SLC5A5: variants seen among roughly 807,000 people sequenced by gnomAD.
SLC5A5 encodes solute carrier family 5 member 5.
A neutral mutation model predicts 68.6 loss-of-function variants in SLC5A5; 56 were observed. The ratio of observed to expected loss-of-function variants is 0.82; its 90% CI spans 0.66 to 1.02. SLC5A5 has a LOEUF of 1.02. Ranked by LOEUF, SLC5A5 falls within the 50% of genes least tolerant of loss-of-function variation. The pLI is 0.00. For synonymous variants in SLC5A5, 398 were observed against 373.0 expected, an observed-to-expected ratio of 1.07 and a Z score of -0.77; for missense variants, 807 against 859.8, an observed-to-expected ratio of 0.94 and a Z score of 0.77.
chr19:17,892,065 A>C (rs1243380187), intron 14 of SLC5A5, among the ~76,000 whole-genome samples: 1 of 152,116 alleles, frequency 6.6e-6, no homozygotes, highest in East Asian at 1.9e-4. Context: ...TGGGAGGTTG[A>C]GGTGGATCGC....
chr19:17,893,720 A>T lies in SLC5A5; in HGVS notation c.1775A>T (p.Glu592Val), dbSNP rs2030289667. The part of the protein sequence containing the change: ...ILDDNLVKGP[E>V]ELPTGNKKPP... ...TTTCCCACTTTTCCCCAGGGTCCTG[A>T]AGAACTCCCCACTGGAAACAAGAAG... Residue 592 changes from glutamate to valine, a missense_variant, in exon 15 of 15, where the codon GAA becomes GTA. Glu to Val is a moderately radical substitution (Grantham distance 121). Transcript: ENST00000222248. The T allele has an allele frequency of 6.2e-7, 1 of 1,613,858 alleles. No individual in the cohort carries two copies. Among genetic ancestry groups the T allele is most frequent in the Non-Finnish European group, 8.5e-7 (1 of 1,179,936 alleles).
chr19:17,883,752 G>C lies in SLC5A5; in HGVS notation c.1314G>C (p.Pro438=), dbSNP rs775752734. 2 of 1,612,916 alleles carry C rather than the reference G, an allele frequency of 1.2e-6. No homozygotes were observed. The highest frequency in any genetic ancestry group is 1.1e-5 in the South Asian group (1 of 91,066). The change falls in exon 11 of 15, where the codon CCG becomes CCC. Residue 438 remains proline (P), a synonymous_variant. Coordinates refer to ENST00000222248, the MANE Select transcript of SLC5A5 (RefSeq NM_000453.3). ...CCTTCATCTTGGGAATGTTCCTGCCGGCCTGCAACACACCGGTGAGTGGGG... is the reference window on the plus strand; with the variant it reads ...CCTTCATCTTGGGAATGTTCCTGCCCGCCTGCAACACACCGGTGAGTGGGG... The part of the protein sequence containing the change: ...LGAFILGMFL[P]ACNTPGVLAG...
intron 7 of SLC5A5, among the ~76,000 whole-genome samples, chr19:17,880,348 G>C (rs1458973323): frequency 6.6e-6 from 1 of 151,520 alleles, no homozygotes; most frequent in Admixed American, 6.6e-5. Context: ...CCAAGTAGCT[G>C]GGACTCCAGG....
intron 4 of SLC5A5, among the ~76,000 whole-genome samples, chr19:17,875,587 A>ACCCCCCCCC (rs59128676): frequency 1.4e-5 from 2 of 145,008 alleles, no homozygotes; most frequent in African/African-American, 2.6e-5. Flanking sequence ...ACATAGTGAG[A>ACCCCCCCCC]CCCCCCCCCG....
In SLC5A5 at chr19:17,883,942, G is replaced by A. The variant is rs1340680522; in HGVS notation, c.1422G>A (p.Arg474=). 1 of 1,563,634 alleles carries A rather than the reference G, an allele frequency of 6.4e-7. No homozygotes were observed. Among genetic ancestry groups the A allele is most frequent in the African/African-American group, 1.4e-5 (1 of 73,866 alleles). Residue 474 remains arginine (R), a synonymous_variant, in exon 12 of 15, where the codon AGG becomes AGA. Transcript: ENST00000222248. The stretch of plus-strand genomic sequence containing the variant: ...ACCCACCCAGCGAGCAGACCATGAG[G>A]GTCCTGCCATCGTCGGCTGCCCGCT... The part of the protein sequence containing the change: ...TLYPPSEQTM[R]VLPSSAARCV...
At chr19:17,878,116 G>T (rs1252368093) in intron 7 of SLC5A5, 23 bp downstream of exon 7, 1 of 1,607,938 alleles carries the variant, frequency 6.2e-7, no homozygotes, top group South Asian at 1.1e-5. Flanking sequence ...CAGGCTCCTG[G>T]TTGGCTCTGC....
chr19:17,894,077 G>A lies in SLC5A5; in HGVS notation c.*200G>A, dbSNP rs1340192510. 21 of 602,130 alleles carry A rather than the reference G, an allele frequency of 3.5e-5. No homozygotes were observed. Among genetic ancestry groups the A allele is most frequent in the South Asian group, 5.8e-5 (3 of 51,566 alleles). The allele number at this position is 602,130 out of a possible 1,614,324, so 37.3% of individuals were successfully genotyped here. On this transcript the variant is annotated 3_prime_UTR_variant, in exon 15 of 15. Coordinates refer to ENST00000222248, the MANE Select transcript of SLC5A5 (RefSeq NM_000453.3). ...TTAAATCCAGCCCCTTGCTTCAACC[G>A]TCCCCAGTATTAGACGCTGCAGCCC...
At chr19:17,883,639 G>C (rs747022913) in intron 10 of SLC5A5, 42 bp from the exon 11 acceptor site, 2 of 1,489,286 alleles carry the variant, frequency 1.3e-6, no homozygotes, top group East Asian at 4.5e-5. Flanking sequence ...CAGAGCGGTG[G>C]GAGGGCTCCG....
chr19:17,878,533 G>A (rs1459994117), intron 7 of SLC5A5, among the ~76,000 whole-genome samples: 3 of 150,834 alleles, frequency 2.0e-5, no homozygotes, highest in Admixed American at 2.0e-4. Flanking sequence ...AAAATAAAGA[G>A]TTCAGAGGAG....
chr19:17,874,024 C>A (rs1421363399), intron 1 of SLC5A5, 114 bp from the exon 2 acceptor site: 2 of 748,608 alleles, frequency 2.7e-6, no homozygotes, highest in Admixed American at 2.0e-5. Context: ...AAGAATCTGG[C>A]GGGCGCGGTT....
Position 17,894,051 on chromosome 19 carries a change from T to C in SLC5A5, c.*174T>C, listed in dbSNP as rs1703432531. 3 of 656,876 alleles carry C rather than the reference T, an allele frequency of 4.6e-6. No individual in the cohort carries two copies. Among genetic ancestry groups the C allele is most frequent in the Non-Finnish European group, 7.9e-6 (3 of 378,386 alleles). 40.7% of individuals were successfully genotyped at this position (656,876 alleles called of 1,614,324 possible). On this transcript the variant is annotated 3_prime_UTR_variant, in exon 15 of 15. Coordinates refer to ENST00000222248, the MANE Select transcript of SLC5A5 (RefSeq NM_000453.3). ...AGGCCCTGCCTCCGGGAGGTCATTT[T>C]TTAAATCCAGCCCCTTGCTTCAACC... is the stretch of plus-strand genomic sequence containing the variant.
At position 17,878,003 on chromosome 19, in the gene SLC5A5, G is replaced by A; in HGVS notation, c.879G>A (p.Val293=). The change falls in exon 7 of 15, where the codon GTG becomes GTA. Residue 293 remains valine, a synonymous_variant. Transcript: ENST00000222248. The stretch of plus-strand genomic sequence containing the variant: ...ACCAGGTCGGCCTGTTCCTGATCGT[G>A]TCCAGCGCTGCCTGCTGTGGCATCG... ...LINQVGLFLI[V]SSAACCGIVM... The A allele has an allele frequency of 6.2e-7, 1 of 1,613,438 alleles. No individual in the cohort carries two copies. Among genetic ancestry groups the A allele is most frequent in the Non-Finnish European group, 8.5e-7 (1 of 1,180,034 alleles).
At position 17,872,436 on chromosome 19, in the gene SLC5A5, C is replaced by G. The variant is rs1378436682; in HGVS notation, c.117C>G (p.Gly39=). Residue 39 remains glycine (G), a synonymous_variant, in exon 1 of 15, where the codon GGC becomes GGG. Transcript: ENST00000222248. ...GIGLWVGLAR[G]GQRSAEDFFT... is the part of the protein sequence containing the mutation. ...GGCTGTGGGTCGGGCTGGCTCGGGG[C>G]GGGCAGCGCAGCGCTGAGGACTTCT... 2 of 1,608,530 alleles carry G rather than the reference C, an allele frequency of 1.2e-6. No individual in the cohort carries two copies. Among genetic ancestry groups the G allele is most frequent in the Middle Eastern group, 1.7e-4 (1 of 5,906 alleles).
At chr19:17,878,161 G>C (rs1043226430) in intron 7 of SLC5A5, 68 bp downstream of exon 7, 1 of 1,555,396 alleles carries the variant, frequency 6.4e-7, no homozygotes, top group Non-Finnish European at 8.8e-7. Flanking sequence ...TGAGGTCGAA[G>C]AGCATTCCTA....
rs1356656251 is a variant in SLC5A5 at position 17,893,905 on chromosome 19, C to T, written c.*28C>T. The T allele has an allele frequency of 1.9e-6, 3 of 1,550,884 alleles. No individual in the cohort carries two copies. The highest frequency in any genetic ancestry group is 2.6e-6 in the Non-Finnish European group (3 of 1,145,816). ...ACAGGGCCAGCCGCGGGACTGACAC[C>T]CTGGGATGGAACCTCAGGATGGGCC... On this transcript the variant is annotated 3_prime_UTR_variant, in exon 15 of 15. Coordinates refer to ENST00000222248, the MANE Select transcript of SLC5A5 (RefSeq NM_000453.3).
rs1008345911 is a variant in SLC5A5 at position 17,877,073 on chromosome 19, C to T, written c.699-650C>T. ...GGATGGGGCTGGGCTCCCTTTGTGC[C>T]GTGGGATGGTAGAAATCAGCCAATG... is the stretch of plus-strand genomic sequence containing the variant. On this transcript the variant is annotated intron_variant, in intron 5 of 14. Transcript: ENST00000222248. Among the ~76,000 whole-genome samples, 7 of 151,416 alleles carry T rather than the reference C, an allele frequency of 4.6e-5. No individual in the cohort carries two copies. In the East Asian group the frequency reaches 1.2e-3, roughly 25 times the overall value.
In SLC5A5 at chr19:17,881,928, C is replaced by T. The variant is rs771879801; in HGVS notation, c.1059-32C>T. The stretch of plus-strand genomic sequence containing the variant: ...TGGTGTGGACGGTCTCTCCATATGG[C>T]CTGAGGACCCCCCGCTGCCTTCCTC... On this transcript the variant is annotated intron_variant, in intron 8 of 14. Coordinates refer to ENST00000222248, the MANE Select transcript of SLC5A5 (RefSeq NM_000453.3). 2.2e-4 allele frequency: 341 copies of T among 1,536,192 alleles called. 1 individual carries two copies. Among genetic ancestry groups the T allele is most frequent in the South Asian group, 7.0e-4 (62 of 89,020 alleles).
chr19:17,876,139 A>T (rs765194561), intron 5 of SLC5A5, 33 bp downstream of exon 5: 30 of 1,611,572 alleles, frequency 1.9e-5, no homozygotes, highest in Non-Finnish European at 2.5e-5. Flanking sequence ...CTCCAGCAGG[A>T]TGGGGCTGGG....
Position 17,872,456 on chromosome 19 carries a change from A to T in SLC5A5, c.137A>T (p.Asp46Val), listed in dbSNP as rs777870484. 3 of 1,610,738 alleles carry T rather than the reference A, an allele frequency of 1.9e-6. No homozygotes were observed. The Admixed American group carries it at 5.0e-5, about 27-fold the overall frequency. ...CGGGGCGGGCAGCGCAGCGCTGAGG[A>T]CTTCTTCACCGGGGGCCGGCGCCTG... ...LARGGQRSAE[D>V]FFTGGRRLAA... The change falls in exon 1 of 15, where the codon GAC becomes GTC. Residue 46 changes from aspartate (D) to valine (V), a missense_variant. Physicochemically the swap from Asp to Val is radical, Grantham distance 152. Coordinates refer to ENST00000222248, the MANE Select transcript of SLC5A5 (RefSeq NM_000453.3).
Sources: allele counts gnomAD v4.1 joint callset (sites outside exome capture counted in the v4.1 genomes callset), GRCh38; gene constraint gnomAD v4.1.1; transcripts MANE v1.5; gene names NCBI Gene and HGNC (gene_info 2026-07-23, HGNC 2026-07-21).